TENM3: variants seen among roughly 807,000 people sequenced by gnomAD.
TENM3 encodes teneurin transmembrane protein 3.
In TENM3, 63 loss-of-function variants were observed where a neutral mutation model predicts 255.1. That is an observed-to-expected ratio of 0.25 (90% confidence interval 0.20 to 0.30). The LOEUF is 0.30. Among genes scored for constraint, TENM3 ranks in the 10% least tolerant of loss-of-function variants. The probability of loss-of-function intolerance (pLI) is 1.00; values close to 1 mark genes in which losing one functional copy is unlikely to be tolerated. For missense variants in TENM3, 2,929 were observed against 3,461.1 expected, an observed-to-expected ratio of 0.85 and a Z score of 3.86; for synonymous variants, 1,306 against 1,322.3, an observed-to-expected ratio of 0.99 and a Z score of 0.27.
At chr4:182,485,897 A>G (rs979128412) in intron 3 of TENM3, among the ~76,000 whole-genome samples, 1 of 152,144 alleles carries the variant, frequency 6.6e-6, no homozygotes, top group East Asian at 1.9e-4. Context: ...ACAGGATTCA[A>G]TGGTAGCACA....
the TENM3 span, among the ~76,000 whole-genome samples, chr4:181,721,381 C>T: frequency 5.3e-5 from 8 of 151,172 alleles, no homozygotes; most frequent in African/African-American, 1.5e-4. Context: ...CTCTGGCAGT[C>T]GTATAGAAGT....
chr4:182,034,592 C>T, the TENM3 span, among the ~76,000 whole-genome samples: 2 of 152,128 alleles, frequency 1.3e-5, no homozygotes, highest in Admixed American at 1.3e-4. Flanking sequence ...GTGATGAATT[C>T]CCTCGGCATT....
At chr4:182,722,270 A>G (rs1331971204) in intron 13 of TENM3, among the ~76,000 whole-genome samples, 1 of 152,214 alleles carries the variant, frequency 6.6e-6, no homozygotes, top group Non-Finnish European at 1.5e-5. Context: ...AAGGATTAGC[A>G]TAGTGTCTGA....
chr4:182,665,446 C>T (rs1754589885), intron 6 of TENM3, among the ~76,000 whole-genome samples: 2 of 152,190 alleles, frequency 1.3e-5, no homozygotes, highest in South Asian at 2.1e-4. Flanking sequence ...TGCCTGCAAA[C>T]ACAACATCCA....
At chr4:182,105,972 C>T in the TENM3 span, among the ~76,000 whole-genome samples, 2 of 152,344 alleles carry the variant, frequency 1.3e-5, no homozygotes, top group African/African-American at 4.8e-5. Flanking sequence ...GTACCCCATA[C>T]ATTTATACGA....
intron 3 of TENM3, among the ~76,000 whole-genome samples, chr4:182,562,723 C>A (rs1424222855): frequency 2.0e-5 from 3 of 152,114 alleles, no homozygotes; most frequent in African/African-American, 7.2e-5. Context: ...CCTGATTCAT[C>A]TTTTGTTTCT....
the TENM3 span, among the ~76,000 whole-genome samples, chr4:182,083,804 T>C: frequency 7.2e-5 from 11 of 152,308 alleles, no homozygotes; most frequent in African/African-American, 2.2e-4. Context: ...GGCTATTGAC[T>C]TAAGCTTTTT....
chr4:182,144,923 C>G (rs1020039398), intron 1 of TENM3: 1 of 151,830 alleles, frequency 6.6e-6, no homozygotes, highest in Admixed American at 6.6e-5. Flanking sequence ...GTCCGGCCTC[C>G]CCGTCCCCGC....
chr4:182,328,255 G>A (rs1411845512), intron 2 of TENM3, among the ~76,000 whole-genome samples: 9 of 151,972 alleles, frequency 5.9e-5, no homozygotes, highest in Admixed American at 2.6e-4. Context: ...TCACTCTGTC[G>A]CCCAGGCTGG....
At chr4:181,734,637 C>T in the TENM3 span, among the ~76,000 whole-genome samples, 1 of 152,132 alleles carries the variant, frequency 6.6e-6, no homozygotes, top group Middle Eastern at 3.4e-3. Context: ...TAAATATGAT[C>T]AAGATTTTCC....
intron 3 of TENM3, among the ~76,000 whole-genome samples, chr4:182,356,232 A>G (rs1415574880): frequency 1.3e-5 from 2 of 152,144 alleles, no homozygotes; most frequent in Non-Finnish European, 2.9e-5. Context: ...GTACAGCAAT[A>G]CCCGTGTCTG....
intron 3 of TENM3, among the ~76,000 whole-genome samples, chr4:182,391,419 C>T (rs919886859): frequency 6.6e-6 from 1 of 152,154 alleles, no homozygotes; most frequent in African/African-American, 2.4e-5. Flanking sequence ...AGTTACTGAG[C>T]GCTCATTGTG....
intron 3 of TENM3, among the ~76,000 whole-genome samples, chr4:182,595,807 C>T (rs1167976351): frequency 1.3e-5 from 2 of 151,248 alleles, no homozygotes; most frequent in African/African-American, 4.8e-5. Context: ...TAATCATAAG[C>T]TTTAAAATAT....
chr4:181,652,562 A>G, the TENM3 span, among the ~76,000 whole-genome samples: 2 of 152,308 alleles, frequency 1.3e-5, no homozygotes, highest in East Asian at 3.9e-4. Flanking sequence ...AACAGCATTA[A>G]TCCCACGTTG....
At chr4:181,577,925 C>T in the TENM3 span, among the ~76,000 whole-genome samples, 1 of 152,284 alleles carries the variant, frequency 6.6e-6, no homozygotes, top group African/African-American at 2.4e-5. Context: ...CTACCCTCCA[C>T]CCTTTCAGTT....
chr4:181,721,554 C>T, the TENM3 span, among the ~76,000 whole-genome samples: 2 of 37,980 alleles, frequency 5.3e-5, no homozygotes, highest in African/African-American at 6.9e-5. Flanking sequence ...GAGCCGAGAT[C>T]GCGCCACTGC....
At chr4:181,821,188 G>C in the TENM3 span, among the ~76,000 whole-genome samples, 1 of 152,090 alleles carries the variant, frequency 6.6e-6, no homozygotes, top group Non-Finnish European at 1.5e-5. Context: ...CACACATTCT[G>C]TGCTTTCTTG....
At chr4:182,018,130 G>T in the TENM3 span, among the ~76,000 whole-genome samples, 1 of 152,176 alleles carries the variant, frequency 6.6e-6, no homozygotes, top group Admixed American at 6.5e-5. Context: ...ATAACTTACC[G>T]TGTATGACTA....
intron 3 of TENM3, among the ~76,000 whole-genome samples, chr4:182,533,595 ATTG>A (rs1462773790): frequency 6.6e-6 from 1 of 151,960 alleles, no homozygotes; most frequent in Non-Finnish European, 1.5e-5. Context: ...ACCTGGGAAA[ATTG>A]TTGTTACTCT....
Sources: gnomAD v4.1 joint callset for allele counts (sites outside exome capture counted in the v4.1 genomes callset) on GRCh38, gnomAD v4.1.1 for gene constraint, MANE v1.5 for transcripts, NCBI Gene and HGNC (gene_info 2026-07-23, HGNC 2026-07-21) for gene names.